Variants in AFF3 observed in about 807,000 individuals in gnomAD.
AFF3 encodes ALF transcription elongation factor 3.
A neutral mutation model predicts 129.7 loss-of-function variants in AFF3; 32 were observed. The observed-to-expected ratio is 0.25, with a 90% CI of 0.19 to 0.33. AFF3 has a LOEUF of 0.33. Among genes scored for constraint, AFF3 ranks in the 10% least tolerant of loss-of-function variants. AFF3 has a pLI of 1.00. For synonymous variants in AFF3, 644 were observed against 635.4 expected (o/e 1.01, Z -0.20); for missense variants, 1,373 against 1,592.0 (o/e 0.86, Z 2.34).
At chr2:99,588,156 C>A (rs987706942) in intron 15 of AFF3, among the ~76,000 whole-genome samples, 1 of 152,006 alleles carries the variant, frequency 6.6e-6, no homozygotes, top group Non-Finnish European at 1.5e-5. Flanking sequence ...TTGATTGGAT[C>A]CTTGTTGCCA....
chr2:100,117,804 T>C (rs879742237), intron 2 of AFF3, among the ~76,000 whole-genome samples: 1 of 152,230 alleles, frequency 6.6e-6, no homozygotes, highest in African/African-American at 2.4e-5. Context: ...CAATTCAAGA[T>C]TATCTTTACA....
intron 7 of AFF3, among the ~76,000 whole-genome samples, chr2:99,976,171 T>C (rs1678870876): frequency 6.6e-6 from 1 of 152,214 alleles, no homozygotes; most frequent in South Asian, 2.1e-4. Flanking sequence ...AAAAGTATTT[T>C]CAATTTAAAT....
At position 100,012,174 on chromosome 2, in the gene AFF3, G is replaced by A. The variant is rs561558659; in HGVS notation, c.54-3242C>T. Among the ~76,000 whole-genome samples, 6 of 152,188 alleles carry A rather than the reference G, an allele frequency of 3.9e-5. No individual in the cohort carries two copies. In the South Asian group the frequency reaches 6.2e-4, roughly 16 times the overall value. ...TTTTCAGGGGCCTGCCATCATGCTC[G>A]TGCCATGCTTCCACACCATAAGATG... On this transcript the variant is annotated intron_variant, in intron 4 of 24. Transcript: ENST00000672756.
chr2:99,888,872 T>C (rs1015023402), intron 7 of AFF3, among the ~76,000 whole-genome samples: 1 of 152,196 alleles, frequency 6.6e-6, no homozygotes, highest in Admixed American at 6.5e-5. Flanking sequence ...ACAGCACCAT[T>C]TTTTATCCTC....
At chr2:100,002,710 C>T (rs1681539730) in intron 7 of AFF3, among the ~76,000 whole-genome samples, 1 of 152,184 alleles carries the variant, frequency 6.6e-6, no homozygotes, top group African/African-American at 2.4e-5. Flanking sequence ...ATTCTGTTCC[C>T]AGCCACTGGA....
chr2:99,761,922 T>A (rs1467020406), intron 8 of AFF3, among the ~76,000 whole-genome samples: 1 of 152,166 alleles, frequency 6.6e-6, no homozygotes, highest in Non-Finnish European at 1.5e-5. Context: ...GCTGCTTTTC[T>A]ATACACTGTC....
chr2:99,766,947 C>T (rs1286998271), intron 8 of AFF3, among the ~76,000 whole-genome samples: 2 of 152,144 alleles, frequency 1.3e-5, no homozygotes, highest in East Asian at 1.9e-4. Flanking sequence ...TACTCAAGGG[C>T]GAATAGGCAA....
intron 13 of AFF3, among the ~76,000 whole-genome samples, chr2:99,642,382 C>T (rs921938704): frequency 6.6e-6 from 1 of 151,120 alleles, no homozygotes; most frequent in Non-Finnish European, 1.5e-5. Flanking sequence ...GATTCTATAA[C>T]ATCCATACAA....
At chr2:99,598,738 G>A (rs1049742770) in intron 14 of AFF3, among the ~76,000 whole-genome samples, 28 of 152,194 alleles carry the variant, frequency 1.8e-4, no homozygotes, top group Non-Finnish European at 7.3e-5. Context: ...CTGTCATGTG[G>A]GGTTCAGGAA....
chr2:99,776,851 T>C (rs1286509123), intron 8 of AFF3, among the ~76,000 whole-genome samples: 3 of 152,204 alleles, frequency 2.0e-5, no homozygotes, highest in Non-Finnish European at 4.4e-5. Context: ...ATAGCAGCCC[T>C]GCATAAGGCA....
chr2:100,078,269 G>A (rs368871308), intron 4 of AFF3, among the ~76,000 whole-genome samples: 17 of 152,254 alleles, frequency 1.1e-4, no homozygotes, highest in African/African-American at 4.1e-4. Context: ...AAATGCAGAA[G>A]ATACTGTAAG....
chr2:99,593,300 C>A lies in AFF3; in HGVS notation c.2361G>T (p.Gly787=), dbSNP rs1678920183. Residue 787 remains glycine, a synonymous_variant, in exon 15 of 25, where the codon GGG becomes GGT. Transcript: ENST00000672756. ...CCTTGGTGGCAGGGGCGCTCAATAC[C>A]CCTGGCTCCTGGGGCAGGTGTTCTG... The part of the protein sequence containing the change: ...RIPEHLPQEP[G]VLSAPATKDS... 1 of 1,613,930 alleles carries A rather than the reference C, an allele frequency of 6.2e-7. No homozygotes were observed. Among genetic ancestry groups the A allele is most frequent in the South Asian group, 1.1e-5 (1 of 91,084 alleles).
chr2:99,993,882 TGCAACCTCCACCTCCTGGGTTCAA>T (rs1450270430), intron 7 of AFF3, among the ~76,000 whole-genome samples: 4 of 141,928 alleles, frequency 2.8e-5, no homozygotes, highest in African/African-American at 1.1e-4. Flanking sequence ...CTCGGCTCAT[TGCAACCTCCACCTCCTGGGTTCAA>T]GCAATTCTCC....
At chr2:99,894,569 C>T (rs910937750) in intron 7 of AFF3, among the ~76,000 whole-genome samples, 9 of 151,500 alleles carry the variant, frequency 5.9e-5, no homozygotes, top group East Asian at 1.9e-4. Context: ...CCTGGGTTCA[C>T]GCCATTCTCC....
At chr2:99,575,414 ATT>A (rs540441950) in intron 18 of AFF3, among the ~76,000 whole-genome samples, 144 of 127,392 alleles carry the variant, frequency 1.1e-3, no homozygotes, top group African/African-American at 3.6e-3. Context: ...TGCCTGGCTA[ATT>A]TTTTTTTTTT....
chr2:99,773,434 C>T (rs1240958147), intron 8 of AFF3, among the ~76,000 whole-genome samples: 1 of 151,888 alleles, frequency 6.6e-6, no homozygotes, highest in Non-Finnish European at 1.5e-5. Context: ...GTCATCTAGG[C>T]AGGTGAGTCT....
chr2:99,646,076 A>C (rs1684661435), intron 13 of AFF3, among the ~76,000 whole-genome samples: 1 of 152,226 alleles, frequency 6.6e-6, no homozygotes, highest in Admixed American at 6.5e-5. Flanking sequence ...GAAACAGATA[A>C]CAAAAACTGG....
chr2:100,009,739 A>C (rs1012251095), intron 4 of AFF3, among the ~76,000 whole-genome samples: 1 of 152,248 alleles, frequency 6.6e-6, no homozygotes, highest in Non-Finnish European at 1.5e-5. Context: ...ATAAGGAGAA[A>C]ACAAAGGGGC....
chr2:99,733,214 C>A (rs1432263754), intron 10 of AFF3, among the ~76,000 whole-genome samples: 1 of 151,856 alleles, frequency 6.6e-6, no homozygotes, highest in Non-Finnish European at 1.5e-5. Flanking sequence ...CCTGTTTCTA[C>A]TAAAAATATA....
Sources: gnomAD v4.1 joint callset for allele counts (sites outside exome capture counted in the v4.1 genomes callset) on GRCh38, gnomAD v4.1.1 for gene constraint, MANE v1.5 for transcripts, NCBI Gene and HGNC (gene_info 2026-07-23, HGNC 2026-07-21) for gene names.